The following LPGAT1 variants were observed in gnomAD, a reference collection of about 807,000 sequenced individuals.
The protein encoded by LPGAT1 is acyl-CoA:lysophosphatidylglycerol acyltransferase 1.
A neutral mutation model predicts 47.5 loss-of-function variants in LPGAT1; 11 were observed. The observed-to-expected ratio is 0.23, with a 90% CI of 0.15 to 0.38. The LOEUF is 0.38. Among genes scored for constraint, LPGAT1 ranks in the 10% least tolerant of loss-of-function variants. LPGAT1 has a pLI of 1.00. For synonymous variants in LPGAT1, 138 were observed against 144.2 expected (o/e 0.96, Z 0.31); for missense variants, 293 against 439.0 (o/e 0.67, Z 2.97).
chr1:211,799,557 C>A (rs1659483986), intron 2 of LPGAT1, among the ~76,000 whole-genome samples: 1 of 152,146 alleles, frequency 6.6e-6, no homozygotes. Context: ...ACCTTAAGGA[C>A]AGGAACTTGG....
intron 6 of LPGAT1, among the ~76,000 whole-genome samples, chr1:211,760,176 C>T (rs546354697): frequency 1.3e-5 from 2 of 152,288 alleles, no homozygotes; most frequent in South Asian, 2.1e-4. Context: ...ATAGAGATAT[C>T]GGGCCGGGCG....
Position 211,749,895 on chromosome 1 carries a change from A to G in LPGAT1, c.*4T>C, listed in dbSNP as rs1195478281. On this transcript the variant is annotated 3_prime_UTR_variant, in exon 8 of 8. Transcript: ENST00000366997. ...CGGTGACCTTGACAAGTCCACGTCA[A>G]TTCCTAAAACAGGCAATGGTAAAAA... 6.2e-7 allele frequency: 1 copy of G among 1,613,800 alleles called. No individual in the cohort carries two copies. Among genetic ancestry groups the G allele is most frequent in the African/African-American group, 1.3e-5 (1 of 74,928 alleles).
chr1:211,788,963 G>C (rs1321618632), intron 3 of LPGAT1, among the ~76,000 whole-genome samples: 1 of 152,148 alleles, frequency 6.6e-6, no homozygotes, highest in African/African-American at 2.4e-5. Context: ...AAAGCCCACA[G>C]ATGATATAAT....
In LPGAT1 at chr1:211,774,132, C is replaced by CTTTTTTTTTTTTTTTTTTT. The variant is rs67342051; in HGVS notation, c.854+4767_854+4785dup. On this transcript the variant is annotated intron_variant, in intron 6 of 7. Coordinates refer to ENST00000366997, the MANE Select transcript of LPGAT1 (RefSeq NM_014873.3). ...AAAGTGCTTTGTGTTTTTTAAAAGTCTTTTTTTTTTTTTTTTTTTTGAGAC... is the reference window on the plus strand; with the variant it reads ...AAAGTGCTTTGTGTTTTTTAAAAGTCTTTTTTTTTTTTTTTTTTTTTTTTTTTTTTTTTTTTTTTGAGAC... Among the ~76,000 whole-genome samples the CTTTTTTTTTTTTTTTTTTT allele has an allele frequency of 9.0e-4, 60 of 66,826 alleles. 17 individuals are homozygous for CTTTTTTTTTTTTTTTTTTT. The highest frequency in any genetic ancestry group is 0.025 in the Middle Eastern group (1 of 40). The allele number at this position is 66,826 out of a possible 152,430, so 43.8% of individuals were successfully genotyped here. A position where few individuals can be genotyped will look rare whatever the true frequency, so the allele number is the denominator to read the frequency against.
chr1:211,779,463 G>C (rs976071838), intron 5 of LPGAT1, among the ~76,000 whole-genome samples: 2 of 151,962 alleles, frequency 1.3e-5, no homozygotes, highest in Non-Finnish European at 2.9e-5. Flanking sequence ...TAAACACCAA[G>C]ACTTATGATA....
At chr1:211,808,294 G>A (rs1659837574) in intron 2 of LPGAT1, among the ~76,000 whole-genome samples, 3 of 149,068 alleles carry the variant, frequency 2.0e-5, no homozygotes. Flanking sequence ...AAATTGCAGT[G>A]AGCTGAGATC....
chr1:211,762,362 T>C (rs1180368895), intron 6 of LPGAT1, among the ~76,000 whole-genome samples: 1 of 152,208 alleles, frequency 6.6e-6, no homozygotes, highest in Non-Finnish European at 1.5e-5. Flanking sequence ...GGGCTATGTG[T>C]TGAAAGACAA....
Position 211,822,510 on chromosome 1 carries a change from C to G in LPGAT1, c.238+6549G>C, listed in dbSNP as rs1244855943. On this transcript the variant is annotated intron_variant, in intron 2 of 7. Coordinates refer to ENST00000366997, the MANE Select transcript of LPGAT1 (RefSeq NM_014873.3). ...ATCAGTCGTCGGCCAGGCGCAGTGA[C>G]TCACACCTGTAATCTGAGCACTTTG... 1.1e-4 allele frequency among the ~76,000 whole-genome samples: 17 copies of G among 152,172 alleles called. 1 individual carries two copies. Among genetic ancestry groups the G allele is most frequent in the Admixed American group, 1.1e-3 (17 of 15,276 alleles).
intron 3 of LPGAT1, among the ~76,000 whole-genome samples, chr1:211,790,279 A>G (rs925801719): frequency 2.6e-5 from 4 of 152,200 alleles, no homozygotes; most frequent in African/African-American, 7.2e-5. Context: ...TGCCCAGGAC[A>G]GTTCTCAGCA....
intron 2 of LPGAT1, among the ~76,000 whole-genome samples, chr1:211,804,270 A>G (rs1659678232): frequency 6.6e-6 from 1 of 152,002 alleles, no homozygotes. Flanking sequence ...TGCTGGTCTC[A>G]GATTCCTGGG....
chr1:211,749,969 T>C lies in LPGAT1; in HGVS notation c.1043A>G (p.Gln348Arg), dbSNP rs1324745308. The stretch of plus-strand genomic sequence containing the variant: ...ATAGCCTGACAAAAATGCAAAAGAC[T>C]GTATGAGAAATATCCACAAGTTGCT... ...TLSNLWIFLI[Q>R]SFAFLSGYMW... The change falls in exon 8 of 8, where the codon CAG becomes CGG. Residue 348 changes from glutamine to arginine, a missense_variant. Coordinates refer to ENST00000366997, the MANE Select transcript of LPGAT1 (RefSeq NM_014873.3). The C allele has an allele frequency of 1.9e-6, 3 of 1,614,036 alleles. No homozygotes were observed. Among genetic ancestry groups the C allele is most frequent in the Non-Finnish European group, 2.5e-6 (3 of 1,179,902 alleles).
intron 6 of LPGAT1, among the ~76,000 whole-genome samples, chr1:211,771,461 A>AT (rs200780860): frequency 1.2e-4 from 18 of 149,890 alleles, no homozygotes; most frequent in African/African-American, 2.2e-4. Flanking sequence ...TAGTTTTTAG[A>AT]TTTTTTTTTT....
At chr1:211,790,666 T>C (rs1473404918) in intron 3 of LPGAT1, among the ~76,000 whole-genome samples, 1 of 152,084 alleles carries the variant, frequency 6.6e-6, no homozygotes, top group African/African-American at 2.4e-5. Context: ...TAAAAAAAAA[T>C]TACTTGGGAT....
intron 6 of LPGAT1, among the ~76,000 whole-genome samples, chr1:211,759,930 T>C (rs541152709): frequency 1.3e-5 from 2 of 152,346 alleles, no homozygotes; most frequent in Non-Finnish European, 2.9e-5. Flanking sequence ...AAGCTAAATG[T>C]AGTAGTAATT....
intron 6 of LPGAT1, among the ~76,000 whole-genome samples, chr1:211,778,071 G>A (rs1228094301): frequency 2.0e-5 from 3 of 152,122 alleles, no homozygotes; most frequent in Non-Finnish European, 4.4e-5. Context: ...GGCTGGGCGC[G>A]GTGGCTCACG....
At chr1:211,809,027 C>T (rs1659866483) in intron 2 of LPGAT1, among the ~76,000 whole-genome samples, 4 of 150,858 alleles carry the variant, frequency 2.7e-5, no homozygotes. Context: ...GAAACCCCGT[C>T]TCAACTAAAA....
intron 6 of LPGAT1, among the ~76,000 whole-genome samples, chr1:211,767,272 G>A (rs1402931205): frequency 6.6e-6 from 1 of 152,118 alleles, no homozygotes; most frequent in African/African-American, 2.4e-5. Context: ...CCAAGTAGCT[G>A]AGATTAGAGG....
rs137897274 is a variant in LPGAT1 at position 211,769,424 on chromosome 1, C to T, written c.854+9494G>A. On this transcript the variant is annotated intron_variant, in intron 6 of 7. Coordinates refer to ENST00000366997, the MANE Select transcript of LPGAT1 (RefSeq NM_014873.3). ...AAGGAGTATATATTTTTAGGAAAAT[C>T]CACAGTTCAGTTTGAGAGAGTGTTA... Among the ~76,000 whole-genome samples, 44 of 152,024 alleles carry T rather than the reference C, an allele frequency of 2.9e-4. 1 individual carries two copies. Among genetic ancestry groups the T allele is most frequent in the Non-Finnish European group, 5.7e-4 (39 of 67,996 alleles).
intron 2 of LPGAT1, among the ~76,000 whole-genome samples, chr1:211,798,776 GCTT>G (rs992361770): frequency 6.6e-6 from 1 of 152,202 alleles, no homozygotes; most frequent in Non-Finnish European, 1.5e-5. Context: ...GAGAACTGTG[GCTT>G]TCAGCAGTCC....
Sources: allele counts gnomAD v4.1 joint callset (sites outside exome capture counted in the v4.1 genomes callset), GRCh38; gene constraint gnomAD v4.1.1; transcripts MANE v1.5; gene names NCBI Gene and HGNC (gene_info 2026-07-23, HGNC 2026-07-21).